The following PRKCE variants were observed in gnomAD, a reference collection of about 807,000 sequenced individuals.
The protein encoded by PRKCE is protein kinase C epsilon type.
PRKCE carries 16 observed loss-of-function variants against 85.4 expected under a neutral mutation model. The observed-to-expected ratio is 0.19, with a 90% confidence interval of 0.13 to 0.28. The LOEUF (loss-of-function observed/expected upper bound fraction) is 0.28, where lower values mean the gene tolerates loss of function less well. Ranked by LOEUF, PRKCE falls within the 10% of genes least tolerant of loss-of-function variation. The pLI is 1.00. For synonymous variants in PRKCE, 388 were observed against 371.5 expected (o/e 1.04, Z -0.51); for missense variants, 573 against 975.2 (o/e 0.59, Z 5.49).
chr2:45,657,731 A>G (rs1161607620), intron 1 of PRKCE, among the ~76,000 whole-genome samples: 2 of 152,212 alleles, frequency 1.3e-5, no homozygotes, highest in African/African-American at 2.4e-5. Flanking sequence ...GCTTTTCAAA[A>G]TGATGGCACC....
intron 2 of PRKCE, among the ~76,000 whole-genome samples, chr2:45,969,835 T>C (rs1701991815): frequency 6.6e-6 from 1 of 152,210 alleles, no homozygotes; most frequent in Non-Finnish European, 1.5e-5. Flanking sequence ...TTGGGGTGTA[T>C]TATTGTTCAT....
intron 10 of PRKCE, among the ~76,000 whole-genome samples, chr2:46,076,231 C>A (rs1039577305): frequency 6.6e-6 from 1 of 152,206 alleles, no homozygotes; most frequent in Non-Finnish European, 1.5e-5. Flanking sequence ...GGCAGGAGAT[C>A]GCTCTGGTGG....
At chr2:46,112,956 A>C (rs1326236117) in intron 11 of PRKCE, among the ~76,000 whole-genome samples, 1 of 152,206 alleles carries the variant, frequency 6.6e-6, no homozygotes, top group Non-Finnish European at 1.5e-5. Context: ...AATATGAAAA[A>C]AGTTTGTTCT....
intron 1 of PRKCE, among the ~76,000 whole-genome samples, chr2:45,734,965 C>T (rs187218734): frequency 3.9e-5 from 6 of 152,392 alleles, no homozygotes; most frequent in Non-Finnish European, 8.8e-5. Context: ...AGCTGCGTCG[C>T]AGCCCACCTG....
rs771670428 is a variant in PRKCE, at chr2:45,976,502, C to T, written c.486C>T (p.Arg162=). Residue 162 remains arginine (R), a synonymous_variant, in exon 3 of 15, where the codon CGC becomes CGT. Coordinates refer to ENST00000306156, the MANE Select transcript of PRKCE (RefSeq NM_005400.3). Reference sequence around the variant, plus strand: ...GGAAGCGGCAGGGGGCCGTCAGGCGCAGGGTCCATCAGGTCAACGGCCACA... The same window carrying T: ...GGAAGCGGCAGGGGGCCGTCAGGCGTAGGGTCCATCAGGTCAACGGCCACA... The part of the protein sequence containing the change: ...RPRKRQGAVR[R]RVHQVNGHKF... 6.3e-7 allele frequency: 1 copy of T among 1,599,772 alleles called. No homozygotes were observed. The highest frequency in any genetic ancestry group is 1.7e-5 in the Admixed American group (1 of 60,022).
At chr2:45,951,599 G>A (rs772318229) in intron 2 of PRKCE, among the ~76,000 whole-genome samples, 3 of 152,174 alleles carry the variant, frequency 2.0e-5, no homozygotes, top group African/African-American at 2.4e-5. Context: ...CTCTCCCTAG[G>A]ACCAATGCAG....
At chr2:46,013,281 T>G (rs3738900) in intron 10 of PRKCE, among the ~76,000 whole-genome samples, 38,844 of 152,152 alleles carry the variant, frequency 0.26, 5,081 homozygotes, top group South Asian at 0.33. Flanking sequence ...CTGAGGTAGA[T>G]GCTGGGGTTA....
intron 10 of PRKCE, among the ~76,000 whole-genome samples, chr2:46,036,463 AC>A (rs892238413): frequency 3.3e-5 from 5 of 152,030 alleles, no homozygotes; most frequent in Admixed American, 1.3e-4. Context: ...GGTGGTACAT[AC>A]CTGTGGTCCC....
At chr2:45,971,073 G>A (rs549664869) in intron 2 of PRKCE, among the ~76,000 whole-genome samples, 2 of 152,226 alleles carry the variant, frequency 1.3e-5, no homozygotes, top group East Asian at 3.9e-4. Flanking sequence ...ATACAATGCA[G>A]TGTGTTAACT....
At chr2:45,958,313 G>T (rs1223371057) in intron 2 of PRKCE, among the ~76,000 whole-genome samples, 16 of 151,174 alleles carry the variant, frequency 1.1e-4, no homozygotes, top group South Asian at 2.1e-4. Flanking sequence ...TTCGAGACCA[G>T]CCTGGCTAAC....
chr2:45,693,434 C>G (rs1677895717), intron 1 of PRKCE, among the ~76,000 whole-genome samples: 1 of 152,002 alleles, frequency 6.6e-6, no homozygotes, highest in South Asian at 2.1e-4. Context: ...GCTGAGGTGA[C>G]CTGGAGAGAA....
chr2:45,803,072 A>C (rs2105201671), intron 1 of PRKCE, among the ~76,000 whole-genome samples: 2 of 152,358 alleles, frequency 1.3e-5, no homozygotes, highest in South Asian at 4.1e-4. Context: ...GAAAGGTGGC[A>C]CTTGATTTCT....
intron 14 of PRKCE, among the ~76,000 whole-genome samples, chr2:46,171,688 TG>T (rs756698965): frequency 2.0e-4 from 31 of 151,930 alleles, no homozygotes; most frequent in South Asian, 4.2e-4. Flanking sequence ...CCCTGTGGAG[TG>T]GGTGTGAGGT....
chr2:45,916,097 T>C (rs1158676516), intron 2 of PRKCE, among the ~76,000 whole-genome samples: 3 of 152,112 alleles, frequency 2.0e-5, no homozygotes, highest in African/African-American at 4.8e-5. Flanking sequence ...TCTAAGGACA[T>C]TGAGAAGGGT....
intron 10 of PRKCE, among the ~76,000 whole-genome samples, chr2:46,079,447 C>T (rs2103825471): frequency 6.6e-6 from 1 of 152,304 alleles, no homozygotes; most frequent in South Asian, 2.1e-4. Flanking sequence ...CTATATCCCC[C>T]AGCCACCTAC....
chr2:46,071,359 A>G (rs1668068207), intron 10 of PRKCE, among the ~76,000 whole-genome samples: 1 of 152,222 alleles, frequency 6.6e-6, no homozygotes, highest in African/African-American at 2.4e-5. Context: ...ATCAGAACTA[A>G]TATTTTCCTG....
chr2:46,088,236 C>T (rs1669829553), intron 11 of PRKCE, among the ~76,000 whole-genome samples: 3 of 152,148 alleles, frequency 2.0e-5, no homozygotes, highest in Admixed American at 2.0e-4. Context: ...TCCTCACTTC[C>T]CACACCCCTT....
intron 2 of PRKCE, among the ~76,000 whole-genome samples, chr2:45,885,718 G>T (rs1262884615): frequency 1.3e-5 from 2 of 152,114 alleles, no homozygotes; most frequent in Non-Finnish European, 2.9e-5. Context: ...GAATTTTGGG[G>T]GTTAGGGCAA....
chr2:45,921,614 G>A (rs1208908027), intron 2 of PRKCE, among the ~76,000 whole-genome samples: 1 of 152,116 alleles, frequency 6.6e-6, no homozygotes, highest in Non-Finnish European at 1.5e-5. Context: ...AAACTGACAG[G>A]GTGACCAGAG....
Sources: allele counts gnomAD v4.1 joint callset (sites outside exome capture counted in the v4.1 genomes callset), GRCh38; gene constraint gnomAD v4.1.1; transcripts MANE v1.5; gene names NCBI Gene and HGNC (gene_info 2026-07-23, HGNC 2026-07-21).